The following SUSD5 variants were observed in gnomAD, a reference collection of about 807,000 sequenced individuals.
SUSD5 encodes the protein sushi domain-containing protein 5.
SUSD5 carries 33 observed loss-of-function variants against 29.5 expected under a neutral mutation model. The observed-to-expected ratio is 1.12, with a 90% CI of 0.85 to 1.49. The LOEUF (loss-of-function observed/expected upper bound fraction) is 1.49, where lower values mean the gene tolerates loss of function less well. Among genes scored for constraint, SUSD5 ranks in the 40% most tolerant of loss-of-function variants. The pLI is 0.00. For synonymous variants in SUSD5, 308 were observed against 325.3 expected, an observed-to-expected ratio of 0.95 and a Z score of 0.57; for missense variants, 776 against 800.6, an observed-to-expected ratio of 0.97 and a Z score of 0.37.
rs368497087 is a variant in SUSD5, at chr3:33,153,551, G to C, written c.1081C>G (p.Pro361Ala). Reference protein sequence around the residue: ...VGKNDSKAGDPVVSSSDESWL... With the variant: ...VGKNDSKAGDAVVSSSDESWL... The stretch of plus-strand genomic sequence containing the variant: ...GACTCATCACTGCTGCTCACCACTG[G>C]ATCTCCTGCCTTGCTGTCATTCTTG... The change falls in exon 5 of 5, where the codon CCA becomes GCA. Residue 361 changes from proline to alanine, a missense_variant. Coordinates refer to ENST00000309558, the MANE Select transcript of SUSD5 (RefSeq NM_015551.2). The C allele has an allele frequency of 2.5e-6, 4 of 1,613,822 alleles. No homozygotes were observed. Among genetic ancestry groups the C allele is most frequent in the Non-Finnish European group, 2.5e-6 (3 of 1,179,920 alleles).
intron 3 of SUSD5, among the ~76,000 whole-genome samples, chr3:33,206,246 C>T (rs867283884): frequency 1.4e-4 from 22 of 152,010 alleles, no homozygotes; most frequent in African/African-American, 3.1e-4. Flanking sequence ...TGGTGGCGGG[C>T]GCCTGTAATC....
intron 3 of SUSD5, among the ~76,000 whole-genome samples, 185 bp from the exon 4 acceptor site, chr3:33,175,259 C>T (rs1193935749): frequency 1.3e-5 from 2 of 152,164 alleles, no homozygotes; most frequent in Non-Finnish European, 2.9e-5. Flanking sequence ...ATAGAAGAGG[C>T]ACTCAAAAAT....
intron 4 of SUSD5, among the ~76,000 whole-genome samples, chr3:33,166,320 T>C (rs1467668203): frequency 1.3e-5 from 2 of 152,214 alleles, no homozygotes; most frequent in African/African-American, 4.8e-5. Flanking sequence ...GGGCTTTCAC[T>C]GGTAAAATGA....
chr3:33,152,654 C>T lies in SUSD5; in HGVS notation c.*88G>A, dbSNP rs1340050684. On this transcript the variant is annotated 3_prime_UTR_variant, in exon 5 of 5. Coordinates refer to ENST00000309558, the MANE Select transcript of SUSD5 (RefSeq NM_015551.2). ...GGAAAAAATGATGAGCCTCAGTCCA[C>T]CTGCGTCATGCTCTAGTGAATTATC... 7.3e-7 allele frequency: 1 copy of T among 1,378,240 alleles called. No individual in the cohort carries two copies. The highest frequency in any genetic ancestry group is 2.6e-4 in the Middle Eastern group (1 of 3,842). 85.4% of individuals were successfully genotyped at this position (1,378,240 alleles called of 1,614,324 possible). A position where few individuals can be genotyped will look rare whatever the true frequency, so the allele number is the denominator to read the frequency against.
chr3:33,202,307 A>C (rs978570285), intron 3 of SUSD5, among the ~76,000 whole-genome samples: 1 of 152,100 alleles, frequency 6.6e-6, no homozygotes, highest in Non-Finnish European at 1.5e-5. Context: ...AATTTCCCCA[A>C]AGTTATTCCT....
At chr3:33,154,149 T>G (rs1445236270) in intron 4 of SUSD5, 116 bp from the exon 5 acceptor site, 2 of 821,710 alleles carry the variant, frequency 2.4e-6, no homozygotes, top group Non-Finnish European at 3.7e-6. Flanking sequence ...ATACTGTTAT[T>G]ATTCACAGAT....
intron 3 of SUSD5, among the ~76,000 whole-genome samples, chr3:33,188,142 C>T (rs2031818010): frequency 6.6e-6 from 1 of 152,176 alleles, no homozygotes; most frequent in Non-Finnish European, 1.5e-5. Context: ...GCCTGCCAAT[C>T]AAAGCTTCTG....
intron 1 of SUSD5, among the ~76,000 whole-genome samples, chr3:33,215,755 C>T (rs780311709): frequency 6.6e-6 from 1 of 152,138 alleles, no homozygotes; most frequent in Non-Finnish European, 1.5e-5. Flanking sequence ...AAATATACTT[C>T]TAAATAAACT....
At chr3:33,162,206 G>C (rs2031205074) in intron 4 of SUSD5, among the ~76,000 whole-genome samples, 1 of 152,122 alleles carries the variant, frequency 6.6e-6, no homozygotes, top group South Asian at 2.1e-4. Flanking sequence ...AATAACTCAT[G>C]GCTCAAGGGA....
chr3:33,154,084 G>A, intron 4 of SUSD5, 51 bp from the exon 5 acceptor site: 1 of 1,415,776 alleles, frequency 7.1e-7, no homozygotes, highest in Non-Finnish European at 9.5e-7. Flanking sequence ...CACAGAGCCA[G>A]TATAGAACAT....
intron 4 of SUSD5, among the ~76,000 whole-genome samples, chr3:33,169,040 T>C (rs1342386448): frequency 6.6e-6 from 1 of 151,858 alleles, no homozygotes; most frequent in Non-Finnish European, 1.5e-5. Flanking sequence ...AGTGTTCCCA[T>C]CTATAAATTG....
intron 4 of SUSD5, among the ~76,000 whole-genome samples, chr3:33,168,799 G>A (rs1045661550): frequency 1.6e-4 from 25 of 152,204 alleles, no homozygotes; most frequent in African/African-American, 5.8e-4. Context: ...ACAGGCATGT[G>A]CCACCACACC....
intron 1 of SUSD5, among the ~76,000 whole-genome samples, chr3:33,217,199 G>A (rs2032440875): frequency 6.6e-6 from 1 of 152,192 alleles, no homozygotes; most frequent in African/African-American, 2.4e-5. Context: ...AGGAATTAAA[G>A]TTGGCACAAT....
At chr3:33,174,484 T>C (rs1231759109) in intron 4 of SUSD5, among the ~76,000 whole-genome samples, 4 of 152,096 alleles carry the variant, frequency 2.6e-5, no homozygotes, top group Admixed American at 1.3e-4. Context: ...CTAACACATA[T>C]TCATTATAGT....
intron 4 of SUSD5, among the ~76,000 whole-genome samples, chr3:33,166,805 G>A (rs1432830080): frequency 6.6e-6 from 1 of 152,220 alleles, no homozygotes; most frequent in Non-Finnish European, 1.5e-5. Context: ...ATTCATGAGA[G>A]AGGCAAAGAA....
rs111296108 is a variant in SUSD5 at position 33,186,721 on chromosome 3, G to A, written c.410-11647C>T. ...ATTACAGGTGTGAGCCACCACGCCC[G>A]GTCAGCACTTTCTTAAAGACGCTCA... On this transcript the variant is annotated intron_variant, in intron 3 of 4. Transcript: ENST00000309558. Among the ~76,000 whole-genome samples the A allele has an allele frequency of 5.0e-3, 768 of 152,112 alleles. 11 individuals carry two copies. Among genetic ancestry groups the A allele is most frequent in the African/African-American group, 0.017 (716 of 41,516 alleles).
chr3:33,188,471 T>C (rs1379467833), intron 3 of SUSD5, among the ~76,000 whole-genome samples: 1 of 152,160 alleles, frequency 6.6e-6, no homozygotes, highest in African/African-American at 2.4e-5. Flanking sequence ...TTCTCAAAGA[T>C]GAACATGCAT....
chr3:33,157,193 T>C (rs906171505), intron 4 of SUSD5, among the ~76,000 whole-genome samples: 1 of 152,200 alleles, frequency 6.6e-6, no homozygotes, highest in Admixed American at 6.5e-5. Context: ...TGCTAGAGTT[T>C]GGGATCACTG....
intron 3 of SUSD5, among the ~76,000 whole-genome samples, chr3:33,196,458 C>T (rs1257137953): frequency 6.6e-6 from 1 of 152,100 alleles, no homozygotes; most frequent in African/African-American, 2.4e-5. Context: ...TGGAAGGTTC[C>T]CCTTTCCCTG....
Sources: gnomAD v4.1 joint callset for allele counts (sites outside exome capture counted in the v4.1 genomes callset) on GRCh38, gnomAD v4.1.1 for gene constraint, MANE v1.5 for transcripts, NCBI Gene and HGNC (gene_info 2026-07-23, HGNC 2026-07-21) for gene names.